The following CAST variants were observed in gnomAD, a reference collection of about 807,000 sequenced individuals.
CAST encodes calpastatin, also known as MIR583 host.
Under a neutral mutation model 119.6 loss-of-function variants are expected in CAST, and 76 were observed. The ratio of observed to expected loss-of-function variants is 0.64; its 90% confidence interval spans 0.53 to 0.77. The LOEUF (loss-of-function observed/expected upper bound fraction) is 0.77. CAST is among the 30% of genes least tolerant of loss of function. The pLI, the probability that CAST is intolerant of heterozygous loss-of-function variation, is 0.00. For missense variants in CAST, 953 were observed against 946.5 expected (o/e 1.01, Z -0.09); for synonymous variants, 319 against 331.6 (o/e 0.96, Z 0.41).
At chr5:96,508,679 A>C in the CAST span, among the ~76,000 whole-genome samples, 58,015 of 151,976 alleles carry the variant, frequency 0.38, 11,309 homozygotes, top group East Asian at 0.56. Flanking sequence ...GAGGCGCTAC[A>C]TCGGGGAGGA....
the CAST span, among the ~76,000 whole-genome samples, chr5:95,999,607 G>A: frequency 2.0e-5 from 3 of 152,148 alleles, no homozygotes; most frequent in Admixed American, 6.5e-5. Flanking sequence ...GTCTCCCAAA[G>A]TGCTGGGATT....
chr5:96,147,649 AC>A, the CAST span, among the ~76,000 whole-genome samples: 2 of 151,340 alleles, frequency 1.3e-5, no homozygotes, highest in Admixed American at 6.6e-5. Context: ...CCCCAAAAAA[AC>A]AAAAGAACAA....
chr5:96,445,039 G>A, the CAST span, among the ~76,000 whole-genome samples: 2 of 152,198 alleles, frequency 1.3e-5, no homozygotes, highest in African/African-American at 4.8e-5. Context: ...GGATTCCAGA[G>A]AGAAGACTCC....
chr5:96,444,542 TTAC>T, the CAST span, among the ~76,000 whole-genome samples: 1 of 117,176 alleles, frequency 8.5e-6, no homozygotes, highest in African/African-American at 4.1e-5. Context: ...TTTATCTTAT[TTAC>T]TTTTTTCTTT....
chr5:95,992,836 C>T, the CAST span, among the ~76,000 whole-genome samples: 1 of 151,670 alleles, frequency 6.6e-6, no homozygotes, highest in Non-Finnish European at 1.5e-5. Context: ...TAAAATTATT[C>T]CAAAATAAAA....
the CAST span, chr5:95,961,488 C>A: frequency 1.5e-6 from 2 of 1,346,912 alleles, no homozygotes; most frequent in East Asian, 3.1e-5. Flanking sequence ...CCAGCCACGG[C>A]TCCGCCGGCC....
intron 9 of CAST, among the ~76,000 whole-genome samples, chr5:96,733,286 T>C (rs1031187678): frequency 6.6e-6 from 1 of 152,236 alleles, no homozygotes; most frequent in Non-Finnish European, 1.5e-5. Flanking sequence ...TGAAATGGTT[T>C]GAAAATGGAT....
chr5:96,381,975 G>C, the CAST span, among the ~76,000 whole-genome samples: 4 of 152,152 alleles, frequency 2.6e-5, no homozygotes, highest in African/African-American at 9.7e-5. Flanking sequence ...ATAATGTGGC[G>C]TTAAATAAAT....
chr5:96,281,192 TTTA>T, the CAST span, among the ~76,000 whole-genome samples: 1 of 152,204 alleles, frequency 6.6e-6, no homozygotes, highest in African/African-American at 2.4e-5. Flanking sequence ...CATCTGGACT[TTTA>T]TTGTTGTTGT....
At chr5:96,084,612 G>A in the CAST span, among the ~76,000 whole-genome samples, 1 of 152,194 alleles carries the variant, frequency 6.6e-6, no homozygotes, top group African/African-American at 2.4e-5. Context: ...ACTGGAAGTG[G>A]GGAAACTTAA....
At chr5:96,033,087 C>G in the CAST span, among the ~76,000 whole-genome samples, 212 of 151,926 alleles carry the variant, frequency 1.4e-3, no homozygotes, top group African/African-American at 4.9e-3. Context: ...CAAGTATCTA[C>G]AAAAAATACT....
At chr5:95,965,466 C>T in the CAST span, among the ~76,000 whole-genome samples, 1 of 152,208 alleles carries the variant, frequency 6.6e-6, no homozygotes, top group African/African-American at 2.4e-5. Flanking sequence ...ATTTCTTAAA[C>T]TCATCTATAC....
chr5:96,064,530 A>C, the CAST span, among the ~76,000 whole-genome samples: 1 of 152,126 alleles, frequency 6.6e-6, no homozygotes, highest in South Asian at 2.1e-4. Context: ...TTGATAATTA[A>C]ATTTAAAGAC....
At position 96,771,156 on chromosome 5, in the gene CAST, A is replaced by G. The variant is rs27034; in HGVS notation, c.2341-488A>G. Among the ~76,000 whole-genome samples, 1,418 of 152,338 alleles carry G rather than the reference A, an allele frequency of 9.3e-3. 22 individuals carry two copies. The highest frequency in any genetic ancestry group is 0.032 in the African/African-American group (1,337 of 41,588). On this transcript the variant is annotated intron_variant, in intron 30 of 31. Transcript: ENST00000675179. ...TAGATTCCCTTAAGGGATATAGGAA[A>G]CAGCATTGATAATTGGCAGTTATGC... is the stretch of plus-strand genomic sequence containing the variant.
the CAST span, among the ~76,000 whole-genome samples, chr5:96,489,077 A>G: frequency 1.3e-5 from 2 of 152,212 alleles, no homozygotes; most frequent in African/African-American, 4.8e-5. Context: ...TAGTAATTGG[A>G]TTCAGAAAGC....
At chr5:96,297,040 G>T in the CAST span, among the ~76,000 whole-genome samples, 1 of 98,290 alleles carries the variant, frequency 1.0e-5, no homozygotes, top group African/African-American at 3.4e-5. Context: ...TTGTAAAACT[G>T]GAGTATATTT....
At chr5:96,639,602 G>C (rs1747926580) in intron 1 of CAST, among the ~76,000 whole-genome samples, 1 of 152,222 alleles carries the variant, frequency 6.6e-6, no homozygotes, top group South Asian at 2.1e-4. Flanking sequence ...GGAGCTCGTA[G>C]ACAAGTGGTG....
chr5:96,008,414 A>C, the CAST span, among the ~76,000 whole-genome samples: 1 of 152,074 alleles, frequency 6.6e-6, no homozygotes, highest in East Asian at 1.9e-4. Context: ...GGTCATACAT[A>C]TCTTTTTTTG....
the CAST span, among the ~76,000 whole-genome samples, chr5:96,330,194 G>T: frequency 6.2e-4 from 94 of 152,262 alleles, 1 homozygote; most frequent in African/African-American, 2.2e-3. Context: ...TAAAAAGATG[G>T]TTTTTTAAAA....
Sources: gnomAD v4.1 joint callset for allele counts (sites outside exome capture counted in the v4.1 genomes callset) on GRCh38, gnomAD v4.1.1 for gene constraint, MANE v1.5 for transcripts, NCBI Gene and HGNC (gene_info 2026-07-23, HGNC 2026-07-21) for gene names.